The following ARHGAP6 variants were observed in gnomAD, a reference collection of about 807,000 sequenced individuals.
ARHGAP6 encodes Rho GTPase activating protein 6.
ARHGAP6 carries 16 observed loss-of-function variants against 55.7 expected under a neutral mutation model. The ratio of observed to expected loss-of-function variants is 0.29; its 90% CI spans 0.19 to 0.44. ARHGAP6 has a LOEUF of 0.44. Among genes scored for constraint, ARHGAP6 ranks in the 20% least tolerant of loss-of-function variants. The pLI is 1.00. For synonymous variants in ARHGAP6, 382 were observed against 360.9 expected (o/e 1.06, Z -0.66); for missense variants, 698 against 808.9 (o/e 0.86, Z 1.66).
chrX:11,653,827 C>A (rs1168159785), intron 1 of ARHGAP6, among the ~76,000 whole-genome samples: 1 of 111,920 alleles, frequency 8.9e-6, no homozygotes, highest in Non-Finnish European at 1.9e-5. Flanking sequence ...TTCTCTGCAG[C>A]TAAATCTGCC....
intron 1 of ARHGAP6, among the ~76,000 whole-genome samples, chrX:11,457,267 G>T (rs1488010582): frequency 8.9e-6 from 1 of 111,874 alleles, no homozygotes; most frequent in Non-Finnish European, 1.9e-5. Flanking sequence ...ATCACCATTT[G>T]CTCCAGTCCC....
intron 1 of ARHGAP6, among the ~76,000 whole-genome samples, chrX:11,357,334 C>A (rs184183507): frequency 5.7e-4 from 64 of 111,953 alleles, no homozygotes; most frequent in African/African-American, 1.9e-3. Flanking sequence ...TAGACACTGG[C>A]TCATCATTGG....
At chrX:11,422,569 C>A (rs998888877) in intron 1 of ARHGAP6, among the ~76,000 whole-genome samples, 3 of 112,029 alleles carry the variant, frequency 2.7e-5, no homozygotes, top group African/African-American at 9.8e-5. Flanking sequence ...GGACAGCCAA[C>A]CACTCACTGA....
chrX:11,141,672 C>T (rs1006431826), intron 12 of ARHGAP6, among the ~76,000 whole-genome samples: 6 of 112,545 alleles, frequency 5.3e-5, no homozygotes, highest in Admixed American at 4.7e-4. Flanking sequence ...CCACAGTTTA[C>T]AGAATGTAAG....
chrX:11,383,328 T>C (rs1013224049), intron 1 of ARHGAP6, among the ~76,000 whole-genome samples: 1 of 111,103 alleles, frequency 9.0e-6, no homozygotes, highest in African/African-American at 3.3e-5. Flanking sequence ...ATGAGGGAAA[T>C]CCTTTGATAG....
At chrX:11,322,424 C>A (rs756487373) in intron 1 of ARHGAP6, among the ~76,000 whole-genome samples, 2 of 110,689 alleles carry the variant, frequency 1.8e-5, no homozygotes, top group Admixed American at 9.6e-5. Flanking sequence ...AATGGCATGA[C>A]CTCAGCTCAC....
intron 1 of ARHGAP6, among the ~76,000 whole-genome samples, chrX:11,409,228 G>A (rs758362506): frequency 2.7e-5 from 3 of 112,081 alleles, no homozygotes; most frequent in Non-Finnish European, 5.6e-5. Flanking sequence ...TCATCAGCCT[G>A]TAGGTCTTGG....
At chrX:11,152,362 C>G (rs934904710) in intron 10 of ARHGAP6, among the ~76,000 whole-genome samples, 2 of 112,008 alleles carry the variant, frequency 1.8e-5, no homozygotes, top group African/African-American at 6.5e-5. Flanking sequence ...GCAGCCAGCA[C>G]CATCTGGCAG....
intron 1 of ARHGAP6, among the ~76,000 whole-genome samples, chrX:11,280,052 T>C (rs1344824647): frequency 9.0e-6 from 1 of 110,525 alleles, no homozygotes; most frequent in African/African-American, 3.3e-5. Context: ...ATGGGTGGAG[T>C]CCAGGGATGC....
rs946278596 is a variant in ARHGAP6 at position 11,372,567 on chromosome X, T to C, written c.589-117860A>G. ...GAGGGTGGATTACGAGGTCAGGAGA[T>C]GGAGACCATCCTGGCTAACACGGTG... On this transcript the variant is annotated intron_variant, in intron 1 of 12. Transcript: ENST00000337414. Among the ~76,000 whole-genome samples the C allele has an allele frequency of 3.1e-4, 34 of 109,049 alleles. 1 individual carries two copies. Among genetic ancestry groups the C allele is most frequent in the African/African-American group, 1.1e-3 (34 of 30,069 alleles). The allele number at this position is 109,049 out of a possible 115,157, so 94.7% of individuals were successfully genotyped here.
chrX:11,162,403 G>C (rs1372172412), intron 9 of ARHGAP6, among the ~76,000 whole-genome samples: 1 of 101,296 alleles, frequency 9.9e-6, no homozygotes, highest in African/African-American at 3.7e-5. Context: ...GTTGATTATT[G>C]TTCTCCTTGC....
chrX:11,196,798 C>T (rs2046547599), intron 3 of ARHGAP6, 127 bp downstream of exon 3: 1 of 488,370 alleles, frequency 2.0e-6, no homozygotes, highest in Admixed American at 3.4e-5. Flanking sequence ...TAATGACATT[C>T]CACTGTAGAA....
intron 1 of ARHGAP6, among the ~76,000 whole-genome samples, chrX:11,550,791 C>G (rs2051258255): frequency 8.9e-6 from 1 of 111,967 alleles, no homozygotes; most frequent in African/African-American, 3.2e-5. Flanking sequence ...AAGAGGGCAT[C>G]TCACAATACA....
chrX:11,447,941 G>T (rs140872103), intron 1 of ARHGAP6, among the ~76,000 whole-genome samples: 1,126 of 112,058 alleles, frequency 0.01, 24 homozygotes, highest in East Asian at 0.06. Flanking sequence ...ATAATAACCC[G>T]TTCTATAGAA....
At chrX:11,623,101 T>C (rs776596918) in intron 1 of ARHGAP6, among the ~76,000 whole-genome samples, 16 of 111,305 alleles carry the variant, frequency 1.4e-4, no homozygotes, top group Non-Finnish European at 2.6e-4. Flanking sequence ...GACATCTAAA[T>C]TGGAAAGGAA....
At chrX:11,655,826 G>A (rs1234661898) in intron 1 of ARHGAP6, among the ~76,000 whole-genome samples, 1 of 112,416 alleles carries the variant, frequency 8.9e-6, no homozygotes. Context: ...CTGGGAATCT[G>A]GGAGAACTGC....
chrX:11,154,781 T>C (rs1189220324), intron 10 of ARHGAP6, among the ~76,000 whole-genome samples: 1 of 112,663 alleles, frequency 8.9e-6, no homozygotes, highest in Non-Finnish European at 1.9e-5. Flanking sequence ...TTAGGACTTA[T>C]ACCTTGATGA....
intron 1 of ARHGAP6, among the ~76,000 whole-genome samples, chrX:11,288,656 C>T (rs143269645): frequency 4.5e-5 from 5 of 111,436 alleles, no homozygotes; most frequent in African/African-American, 1.6e-4. Context: ...GCAGTAACTC[C>T]CCATTTCCCC....
At chrX:11,242,653 G>A (rs1045526650) in intron 2 of ARHGAP6, among the ~76,000 whole-genome samples, 3 of 111,771 alleles carry the variant, frequency 2.7e-5, no homozygotes, top group Non-Finnish European at 5.6e-5. Context: ...TCGGGGCAGG[G>A]AAAATGGCTT....
Sources: allele counts gnomAD v4.1 joint callset (sites outside exome capture counted in the v4.1 genomes callset), GRCh38; gene constraint gnomAD v4.1.1; transcripts MANE v1.5; gene names NCBI Gene and HGNC (gene_info 2026-07-23, HGNC 2026-07-21).